The following CTNNA3 variants were observed in gnomAD, a reference collection of about 807,000 sequenced individuals.
CTNNA3 encodes catenin alpha 3.
Under a neutral mutation model 95.7 loss-of-function variants are expected in CTNNA3, and 76 were observed. The ratio of observed to expected loss-of-function variants is 0.79; its 90% CI spans 0.66 to 0.96. The LOEUF is 0.96. CTNNA3 is among the 40% of genes least tolerant of loss of function. CTNNA3 has a pLI of 0.00. For missense variants in CTNNA3, 1,191 were observed against 1,089.8 expected (o/e 1.09, Z -1.31); for synonymous variants, 431 against 374.4 (o/e 1.15, Z -1.74).
intron 5 of CTNNA3, among the ~76,000 whole-genome samples, chr10:67,250,279 G>A (rs868176094): frequency 1.7e-4 from 25 of 151,048 alleles, no homozygotes; most frequent in South Asian, 6.3e-4. Flanking sequence ...GCAGTGGCAC[G>A]GTCTCAGCTC....
intron 5 of CTNNA3, among the ~76,000 whole-genome samples, chr10:67,461,404 T>G (rs1216844590): frequency 1.3e-5 from 2 of 152,004 alleles, no homozygotes; most frequent in Non-Finnish European, 2.9e-5. Context: ...AAATCCCCAT[T>G]CCTGACCTAC....
At chr10:66,914,949 A>T (rs1846411864) in intron 7 of CTNNA3, among the ~76,000 whole-genome samples, 1 of 152,214 alleles carries the variant, frequency 6.6e-6, no homozygotes, top group African/African-American at 2.4e-5. Context: ...AAATAAATAA[A>T]AGATTGGATC....
At chr10:66,461,840 T>G (rs1294795876) in intron 11 of CTNNA3, among the ~76,000 whole-genome samples, 3 of 146,726 alleles carry the variant, frequency 2.0e-5, no homozygotes, top group Admixed American at 1.4e-4. Context: ...TGAGATGGAG[T>G]CTCCTTCTGT....
chr10:66,434,203 G>A (rs1379500295), intron 11 of CTNNA3, among the ~76,000 whole-genome samples: 2 of 152,024 alleles, frequency 1.3e-5, no homozygotes, highest in Non-Finnish European at 2.9e-5. Context: ...TGCTTAATGG[G>A]AATAGCATTG....
At chr10:66,616,712 A>T (rs1430590411) in intron 10 of CTNNA3, among the ~76,000 whole-genome samples, 1 of 152,082 alleles carries the variant, frequency 6.6e-6, no homozygotes, top group Non-Finnish European at 1.5e-5. Context: ...CTTAACAAAT[A>T]GAAACTCAGG....
At chr10:66,957,063 T>C (rs895064170) in intron 7 of CTNNA3, among the ~76,000 whole-genome samples, 54 of 152,192 alleles carry the variant, frequency 3.5e-4, no homozygotes, top group African/African-American at 1.3e-3. Context: ...TCTGTCTAAA[T>C]TGAATTCATG....
intron 1 of CTNNA3, among the ~76,000 whole-genome samples, chr10:67,719,856 GT>G (rs1221951988): frequency 6.6e-6 from 1 of 152,018 alleles, no homozygotes; most frequent in African/African-American, 2.4e-5. Context: ...GAATATCCTT[GT>G]TAATTTTCTG....
chr10:66,838,340 G>A (rs971164415), intron 7 of CTNNA3, among the ~76,000 whole-genome samples: 1 of 152,098 alleles, frequency 6.6e-6, no homozygotes, highest in Admixed American at 6.6e-5. Flanking sequence ...CAGTAATTAT[G>A]TGTTTAGAAC....
At chr10:67,331,192 TA>T (rs1564572176) in intron 5 of CTNNA3, among the ~76,000 whole-genome samples, 1 of 152,198 alleles carries the variant, frequency 6.6e-6, no homozygotes, top group African/African-American at 2.4e-5. Flanking sequence ...CTCTCTTCCA[TA>T]TTTCCCAGTC....
At chr10:66,223,219 G>A (rs961741269) in intron 13 of CTNNA3, among the ~76,000 whole-genome samples, 2 of 151,918 alleles carry the variant, frequency 1.3e-5, no homozygotes, top group African/African-American at 4.8e-5. Context: ...AAATAAGTAA[G>A]GAATAAAACT....
intron 1 of CTNNA3, among the ~76,000 whole-genome samples, chr10:67,705,418 C>T (rs1421612277): frequency 4.7e-5 from 7 of 148,984 alleles, no homozygotes; most frequent in African/African-American, 1.5e-4. Flanking sequence ...GAAAATGTGG[C>T]ACATATACAC....
At chr10:66,382,456 C>T (rs942138201) in intron 11 of CTNNA3, among the ~76,000 whole-genome samples, 1 of 133,424 alleles carries the variant, frequency 7.5e-6, no homozygotes, top group Non-Finnish European at 1.7e-5. Context: ...GCCCACCGAG[C>T]TCAACAAGGC....
intron 7 of CTNNA3, among the ~76,000 whole-genome samples, chr10:66,918,345 G>C (rs1004802712): frequency 2.0e-5 from 3 of 152,122 alleles, no homozygotes; most frequent in Admixed American, 2.0e-4. Context: ...ATTCTCTGAT[G>C]GCATAAATAC....
intron 10 of CTNNA3, among the ~76,000 whole-genome samples, chr10:66,567,842 C>G (rs1842759759): frequency 6.6e-6 from 1 of 152,134 alleles, no homozygotes; most frequent in Non-Finnish European, 1.5e-5. Context: ...TTTTCCAGCT[C>G]AGAGACTCAG....
intron 9 of CTNNA3, among the ~76,000 whole-genome samples, chr10:66,696,351 C>A (rs775904312): frequency 6.6e-6 from 1 of 152,090 alleles, no homozygotes. Context: ...TGAGGAGATA[C>A]AAAACTGAAA....
At chr10:66,693,913 C>T (rs370234612) in intron 9 of CTNNA3, among the ~76,000 whole-genome samples, 11,502 of 151,758 alleles carry the variant, frequency 0.076, 476 homozygotes, top group Middle Eastern at 0.13. Flanking sequence ...TTGAAACCAA[C>T]GAGAACAAAG....
chr10:67,524,578 T>G (rs1031184757), intron 4 of CTNNA3, among the ~76,000 whole-genome samples: 2 of 152,198 alleles, frequency 1.3e-5, no homozygotes, highest in African/African-American at 4.8e-5. Context: ...CTTGAACTTT[T>G]GTTATCAGGA....
chr10:66,843,207 A>C (rs181093084), intron 7 of CTNNA3, among the ~76,000 whole-genome samples: 22 of 152,312 alleles, frequency 1.4e-4, no homozygotes, highest in African/African-American at 5.1e-4. Context: ...TCACTTTATA[A>C]ATGAGAAAAC....
chr10:66,322,068 C>G (rs1308964084), intron 12 of CTNNA3, among the ~76,000 whole-genome samples: 1 of 152,046 alleles, frequency 6.6e-6, no homozygotes, highest in Non-Finnish European at 1.5e-5. Flanking sequence ...GTAGATAGGG[C>G]CCAGAACACA....
Sources: allele counts gnomAD v4.1 joint callset (sites outside exome capture counted in the v4.1 genomes callset), GRCh38; gene constraint gnomAD v4.1.1; transcripts MANE v1.5; gene names NCBI Gene and HGNC (gene_info 2026-07-23, HGNC 2026-07-21).